The following ITGAV variants were observed in gnomAD, a reference collection of about 807,000 sequenced individuals.
ITGAV encodes the protein integrin alpha-V.
A neutral mutation model predicts 143.8 loss-of-function variants in ITGAV; 76 were observed. The ratio of observed to expected loss-of-function variants is 0.53; its 90% CI spans 0.44 to 0.64. The LOEUF (loss-of-function observed/expected upper bound fraction) is 0.64, where lower values mean the gene tolerates loss of function less well. ITGAV is among the 30% of genes least tolerant of loss of function. The pLI, the probability that ITGAV is intolerant of heterozygous loss-of-function variation, is 0.00. For synonymous variants in ITGAV, 453 were observed against 446.7 expected (o/e 1.01, Z -0.18); for missense variants, 1,193 against 1,274.7 (o/e 0.94, Z 0.98).
At chr2:186,648,685 GGTCAGGCTGGTCTCA>G (rs924862554) in intron 13 of ITGAV, among the ~76,000 whole-genome samples, 3 of 151,794 alleles carry the variant, frequency 2.0e-5, no homozygotes, top group African/African-American at 7.3e-5. Context: ...GGCTGGTCTT[GGTCAGGCTGGTCTCA>G]GTCAGGCTGG....
chr2:186,641,280 G>A, intron 11 of ITGAV, 106 bp from the exon 12 acceptor site: 1 of 809,618 alleles, frequency 1.2e-6, no homozygotes, highest in Non-Finnish European at 2.1e-6. Context: ...TTCACTGTGG[G>A]TGTGAGAGAT....
chr2:186,669,659 T>C, intron 25 of ITGAV, 42 bp from the exon 26 acceptor site: 1 of 1,364,888 alleles, frequency 7.3e-7, no homozygotes, highest in Non-Finnish European at 1.0e-6. Context: ...AAAATGTTTT[T>C]CATTATCATT....
intron 1 of ITGAV, among the ~76,000 whole-genome samples, chr2:186,598,891 C>T (rs963770274): frequency 1.3e-5 from 2 of 152,026 alleles, no homozygotes; most frequent in South Asian, 2.1e-4. Context: ...TTGGGAGTTA[C>T]GTCTTTATTT....
At chr2:186,650,003 T>A in intron 14 of ITGAV, 118 bp downstream of exon 14, 1 of 647,442 alleles carries the variant, frequency 1.5e-6, no homozygotes, top group Non-Finnish European at 2.5e-6. Flanking sequence ...TAAAATTTGC[T>A]CTTTCTATTC....
intron 26 of ITGAV, 131 bp from the exon 27 acceptor site, chr2:186,675,473 T>A: frequency 1.5e-6 from 1 of 653,248 alleles, no homozygotes; most frequent in Non-Finnish European, 2.7e-6. Flanking sequence ...TTAGCCTGTT[T>A]ATTTTCAAGA....
chr2:186,648,795 C>A (rs1174884932), intron 13 of ITGAV, among the ~76,000 whole-genome samples: 1 of 151,918 alleles, frequency 6.6e-6, no homozygotes, highest in East Asian at 1.9e-4. Context: ...ACCCGGCCAT[C>A]AGGTTGATTC....
chr2:186,617,487 A>G (rs528437999), intron 2 of ITGAV, among the ~76,000 whole-genome samples: 2 of 152,314 alleles, frequency 1.3e-5, no homozygotes, highest in African/African-American at 2.4e-5. Context: ...ATAAAATGCA[A>G]ATGACAAGTT....
chr2:186,675,074 A>T (rs1689171011), intron 26 of ITGAV, among the ~76,000 whole-genome samples: 3 of 152,220 alleles, frequency 2.0e-5, no homozygotes, highest in Admixed American at 2.0e-4. Flanking sequence ...TGATCAGCAT[A>T]TAGAAGGTGG....
rs61763624 is a variant in ITGAV, at chr2:186,602,257, C to A, written c.316+106C>A. The A allele has an allele frequency of 6.3e-4, 484 of 772,970 alleles. 2 individuals are homozygous for A. In the African/African-American group the frequency reaches 8.1e-3, roughly 13 times the overall value. The allele number at this position is 772,970 out of a possible 1,614,324, so 47.9% of individuals were successfully genotyped here. A position where few individuals can be genotyped will look rare whatever the true frequency, so the allele number is the denominator to read the frequency against. ...TTTAATACAATTATATAGATAAGCACCTCAGCTTCACAGGGAAAATTATAT... is the reference window on the plus strand; with the variant it reads ...TTTAATACAATTATATAGATAAGCAACTCAGCTTCACAGGGAAAATTATAT... On this transcript the variant is annotated intron_variant, in intron 2 of 29. Coordinates refer to ENST00000261023, the MANE Select transcript of ITGAV (RefSeq NM_002210.5).
intron 1 of ITGAV, among the ~76,000 whole-genome samples, chr2:186,595,494 C>T (rs945703675): frequency 1.3e-5 from 2 of 151,816 alleles, no homozygotes; most frequent in Non-Finnish European, 2.9e-5. Context: ...CTCTGTATCG[C>T]TCTCTCTTTT....
At position 186,632,787 on chromosome 2, in the gene ITGAV, C is replaced by G. The variant is rs528343244; in HGVS notation, c.586-542C>G. 5.9e-5 allele frequency among the ~76,000 whole-genome samples: 9 copies of G among 152,056 alleles called. No homozygotes were observed. In the East Asian group the frequency reaches 7.7e-4, roughly 13 times the overall value. ...AAGAAGTGCCTTAAAAAAATTGTAA[C>G]CTGATAATACTTCGCATTAGTCCTC... On this transcript the variant is annotated intron_variant, in intron 5 of 29. Coordinates refer to ENST00000261023, the MANE Select transcript of ITGAV (RefSeq NM_002210.5).
intron 10 of ITGAV, 119 bp from the exon 11 acceptor site, chr2:186,640,796 G>A: frequency 1.4e-6 from 1 of 721,242 alleles, no homozygotes; most frequent in Non-Finnish European, 2.3e-6. Flanking sequence ...AAGACATTTA[G>A]ATTGAAGCAC....
intron 22 of ITGAV, 73 bp downstream of exon 22, chr2:186,666,856 A>G: frequency 1.4e-6 from 1 of 730,824 alleles, no homozygotes; most frequent in Non-Finnish European, 2.1e-6. Flanking sequence ...TATGTAATAT[A>G]CTTTAAATAT....
rs1357340344 is a variant in ITGAV, at chr2:186,667,222, G to C, written c.2319G>C (p.Glu773Asp). ...KVDLAVLAAV[E>D]IRGVSSPDHV... ...ATCTTGCTGTTTTAGCTGCAGTTGA[G>C]ATAAGAGGGTCAGTATGAATACTTA... The change falls in exon 23 of 30, where the codon GAG becomes GAC. Residue 773 changes from glutamate (E) to aspartate (D), a missense_variant. By Grantham distance (45) the Glu-to-Asp change is conservative. Transcript: ENST00000261023. 2.5e-6 allele frequency: 4 copies of C among 1,607,860 alleles called. No homozygotes were observed. In the Admixed American group the frequency reaches 6.7e-5, roughly 27 times the overall value.
chr2:186,641,739 C>CA, intron 12 of ITGAV, 151 bp downstream of exon 12: 1 of 615,504 alleles, frequency 1.6e-6, no homozygotes, highest in Non-Finnish European at 2.9e-6. Context: ...AATTTAAAGA[C>CA]AGTTTGCTAT....
chr2:186,615,255 A>G (rs983653188), intron 2 of ITGAV, among the ~76,000 whole-genome samples: 2 of 152,140 alleles, frequency 1.3e-5, no homozygotes, highest in African/African-American at 4.8e-5. Context: ...GAATAATGCT[A>G]CTATGAACAT....
At chr2:186,635,667 C>T (rs1299200736) in intron 6 of ITGAV, among the ~76,000 whole-genome samples, 8 of 152,068 alleles carry the variant, frequency 5.3e-5, no homozygotes, top group African/African-American at 7.2e-5. Context: ...CAGGTTGTTT[C>T]CTAAAGATGT....
At chr2:186,630,013 A>G (rs1171439394) in intron 4 of ITGAV, among the ~76,000 whole-genome samples, 1 of 152,146 alleles carries the variant, frequency 6.6e-6, no homozygotes, top group Non-Finnish European at 1.5e-5. Flanking sequence ...TATTGAGCCT[A>G]CTATGGTTGG....
At chr2:186,601,723 T>C (rs986027937) in intron 1 of ITGAV, among the ~76,000 whole-genome samples, 3 of 152,072 alleles carry the variant, frequency 2.0e-5, no homozygotes, top group Non-Finnish European at 4.4e-5. Context: ...TACTGAGATA[T>C]GTGACATACA....
Sources: allele counts gnomAD v4.1 joint callset (sites outside exome capture counted in the v4.1 genomes callset), GRCh38; gene constraint gnomAD v4.1.1; transcripts MANE v1.5; gene names NCBI Gene and HGNC (gene_info 2026-07-23, HGNC 2026-07-21).